DCLK1: variants seen among roughly 807,000 people sequenced by gnomAD.
DCLK1 encodes the protein doublecortin like kinase 1, also known as serine/threonine-protein kinase DCLK1.
In DCLK1, 16 loss-of-function variants were observed where a neutral mutation model predicts 86.2. The observed-to-expected ratio is 0.19, with a 90% CI of 0.13 to 0.28. DCLK1 has a LOEUF of 0.28. Among genes scored for constraint, DCLK1 ranks in the 10% least tolerant of loss-of-function variants. DCLK1 has a pLI of 1.00. For missense variants in DCLK1, 590 were observed against 940.2 expected, an observed-to-expected ratio of 0.63 and a Z score of 4.87; for synonymous variants, 369 against 370.5, an observed-to-expected ratio of 1.00 and a Z score of 0.05.
chr13:36,087,266 C>A (rs73182147), intron 3 of DCLK1, among the ~76,000 whole-genome samples: 23,220 of 152,142 alleles, frequency 0.15, 2,155 homozygotes, highest in Non-Finnish European at 0.21. Context: ...TGAATGTCTT[C>A]TTTTGAGAAG....
chr13:35,937,216 G>A (rs535807903), intron 4 of DCLK1, among the ~76,000 whole-genome samples: 38 of 151,302 alleles, frequency 2.5e-4, no homozygotes, highest in East Asian at 7.8e-4. Flanking sequence ...CTCATGATCC[G>A]CCCGCCTCAG....
At chr13:36,064,282 G>A (rs1326700305) in intron 3 of DCLK1, among the ~76,000 whole-genome samples, 1 of 152,194 alleles carries the variant, frequency 6.6e-6, no homozygotes, top group Non-Finnish European at 1.5e-5. Flanking sequence ...ATGGTGAACT[G>A]TTCATCGTAA....
At chr13:36,122,025 A>G (rs1390544175) in intron 2 of DCLK1, among the ~76,000 whole-genome samples, 3 of 152,240 alleles carry the variant, frequency 2.0e-5, no homozygotes, top group Non-Finnish European at 2.9e-5. Context: ...TTTTAGGAAG[A>G]GCAAATTTTA....
chr13:35,779,195 C>G (rs375501153), intron 16 of DCLK1, among the ~76,000 whole-genome samples: 1 of 152,134 alleles, frequency 6.6e-6, no homozygotes, highest in East Asian at 1.9e-4. Context: ...TGGCTGGTCT[C>G]GAACTCCTGA....
chr13:35,869,375 A>T (rs912800384), intron 5 of DCLK1, among the ~76,000 whole-genome samples: 5 of 152,196 alleles, frequency 3.3e-5, no homozygotes, highest in African/African-American at 7.2e-5. Context: ...CTCTGAGGCC[A>T]GGTCATTGCA....
At chr13:35,936,902 C>A (rs1452050232) in intron 4 of DCLK1, among the ~76,000 whole-genome samples, 1 of 150,402 alleles carries the variant, frequency 6.6e-6, no homozygotes, top group African/African-American at 2.4e-5. Flanking sequence ...TAAAGAAGAG[C>A]AGAATGTTCC....
intron 3 of DCLK1, among the ~76,000 whole-genome samples, chr13:35,958,280 C>CACTACTATAACCACCACCACCACCACT: frequency 6.7e-5 from 1 of 14,858 alleles, no homozygotes; most frequent in Admixed American, 4.5e-4. Flanking sequence ...TTACCACCAT[C>CACTACTATAACCACCACCACCACCACT]ACTGCCACTA....
chr13:35,897,616 A>G (rs562845629), intron 4 of DCLK1, among the ~76,000 whole-genome samples: 1 of 152,340 alleles, frequency 6.6e-6, no homozygotes, highest in Admixed American at 6.5e-5. Flanking sequence ...TGAGAAACAG[A>G]CATATTTCTA....
chr13:35,859,792 T>C (rs1262565985), intron 5 of DCLK1, among the ~76,000 whole-genome samples: 1 of 152,204 alleles, frequency 6.6e-6, no homozygotes, highest in African/African-American at 2.4e-5. Context: ...TGATTAAACA[T>C]CAAAGTTACT....
intron 3 of DCLK1, among the ~76,000 whole-genome samples, chr13:35,974,449 C>T (rs988453022): frequency 6.6e-6 from 1 of 152,192 alleles, no homozygotes; most frequent in African/African-American, 2.4e-5. Flanking sequence ...AGCTCTATGT[C>T]CCCACCCAAG....
chr13:35,923,405 C>G (rs576076191), intron 4 of DCLK1, among the ~76,000 whole-genome samples: 194 of 151,810 alleles, frequency 1.3e-3, no homozygotes, highest in African/African-American at 4.1e-3. Flanking sequence ...TTCCCCTGAG[C>G]TGTTGAAGGG....
intron 10 of DCLK1, 113 bp downstream of exon 10, chr13:35,827,522 T>C (rs2153106028): frequency 7.9e-7 from 1 of 1,273,318 alleles, no homozygotes; most frequent in South Asian, 1.4e-5. Context: ...ACTGGGCCAA[T>C]GTACAGAAAT....
At chr13:35,822,348 T>C (rs1436260232) in intron 11 of DCLK1, among the ~76,000 whole-genome samples, 1 of 151,902 alleles carries the variant, frequency 6.6e-6, no homozygotes, top group Non-Finnish European at 1.5e-5. Flanking sequence ...TGTGTAGAGA[T>C]GGGGGTCTCA....
intron 3 of DCLK1, among the ~76,000 whole-genome samples, chr13:36,016,487 C>T (rs538703976): frequency 1.3e-5 from 2 of 152,226 alleles, no homozygotes; most frequent in African/African-American, 4.8e-5. Flanking sequence ...CCAAGCAAAT[C>T]AGGCTAACGG....
At chr13:35,942,403 T>G (rs946856113) in intron 4 of DCLK1, among the ~76,000 whole-genome samples, 12 of 152,170 alleles carry the variant, frequency 7.9e-5, no homozygotes, top group Admixed American at 7.2e-4. Context: ...CCTGACTTCG[T>G]GATTCTTCTG....
chr13:35,826,554 A>G (rs371344876), intron 10 of DCLK1, among the ~76,000 whole-genome samples: 1,100 of 24,960 alleles, frequency 0.044, 128 homozygotes, highest in Non-Finnish European at 0.083. Context: ...AAAGAAAGAA[A>G]GAAAGAAACA....
rs533487691 is a variant in DCLK1 at position 35,772,810 on chromosome 13, T to C, written c.*1725A>G. 1 of 152,288 alleles carries C rather than the reference T, an allele frequency of 6.6e-6. No individual in the cohort carries two copies. The highest frequency in any genetic ancestry group is 1.5e-5 in the Non-Finnish European group (1 of 68,026). 9.4% of individuals were successfully genotyped at this position (152,288 alleles called of 1,614,324 possible). A position where few individuals can be genotyped will look rare whatever the true frequency, so the allele number is the denominator to read the frequency against. On this transcript the variant is annotated 3_prime_UTR_variant, in exon 17 of 17. Transcript: ENST00000360631. ...TAATGACATGTGATTTAAAAATCCA[T>C]ATTAATGTAGACCATAGTTTCAGGG...
At position 35,824,880 on chromosome 13, in the gene DCLK1, C is replaced by T. The variant is rs150180350; in HGVS notation, c.1408-2005G>A. Among the ~76,000 whole-genome samples, 7 of 152,274 alleles carry T rather than the reference C, an allele frequency of 4.6e-5. No homozygotes were observed. The East Asian group carries it at 1.4e-3, about 29-fold the overall frequency. ...TTTCTTCCCTAGCCATCCAAACAGG[C>T]CAAGATCTCTGTCCTCAAGCCTGTC... is the stretch of plus-strand genomic sequence containing the variant. On this transcript the variant is annotated intron_variant, in intron 10 of 16. Coordinates refer to ENST00000360631, the MANE Select transcript of DCLK1 (RefSeq NM_001330071.2).
intron 3 of DCLK1, among the ~76,000 whole-genome samples, chr13:36,097,897 A>T (rs1358748135): frequency 6.6e-6 from 1 of 152,104 alleles, no homozygotes; most frequent in African/African-American, 2.4e-5. Flanking sequence ...AAGTATTTGG[A>T]AAACACTATA....
Sources: gnomAD v4.1 joint callset for allele counts (sites outside exome capture counted in the v4.1 genomes callset) on GRCh38, gnomAD v4.1.1 for gene constraint, MANE v1.5 for transcripts, NCBI Gene and HGNC (gene_info 2026-07-23, HGNC 2026-07-21) for gene names.